The following KIF5C variants were observed in gnomAD, a reference collection of about 807,000 sequenced individuals.
The protein encoded by KIF5C is kinesin family member 5C.
A neutral mutation model predicts 125.2 loss-of-function variants in KIF5C; 18 were observed. The ratio of observed to expected loss-of-function variants is 0.14; its 90% CI spans 0.10 to 0.21. The LOEUF (loss-of-function observed/expected upper bound fraction) is 0.21. KIF5C is among the 10% of genes least tolerant of loss of function. The pLI, the probability that KIF5C is intolerant of heterozygous loss-of-function variation, is 1.00. For missense variants in KIF5C, 780 were observed against 1,183.8 expected, an observed-to-expected ratio of 0.66 and a Z score of 5.01; for synonymous variants, 405 against 434.0, an observed-to-expected ratio of 0.93 and a Z score of 0.83.
At chr2:148,973,706 C>A (rs1680981994) in intron 12 of KIF5C, among the ~76,000 whole-genome samples, 195 bp downstream of exon 12, 1 of 152,184 alleles carries the variant, frequency 6.6e-6, no homozygotes, top group Non-Finnish European at 1.5e-5. Flanking sequence ...GGGAACTTGA[C>A]TGAAAAAGCA....
chr2:148,990,937 G>T (rs1681507444), intron 15 of KIF5C, 73 bp from the exon 16 acceptor site: 3 of 1,502,780 alleles, frequency 2.0e-6, no homozygotes, highest in Admixed American at 4.4e-5. Context: ...GGATCCAGGG[G>T]CAGGTTTCCA....
intron 11 of KIF5C, among the ~76,000 whole-genome samples, chr2:148,963,928 C>T (rs1682988207): frequency 6.6e-6 from 1 of 152,154 alleles, no homozygotes; most frequent in South Asian, 2.1e-4. Context: ...ATCTTTTGGG[C>T]ACTCAGTCCT....
intron 1 of KIF5C, among the ~76,000 whole-genome samples, chr2:148,900,273 T>C (rs1308180495): frequency 2.0e-5 from 3 of 152,162 alleles, no homozygotes; most frequent in African/African-American, 4.8e-5. Flanking sequence ...ACACATATCA[T>C]TGTGGACACT....
chr2:149,000,032 G>A (rs1402284299), intron 19 of KIF5C: 1 of 167,814 alleles, frequency 6.0e-6, no homozygotes, highest in African/African-American at 2.4e-5. Context: ...CAGAAATGAG[G>A]GAAGGTGGAA....
At chr2:148,954,923 G>C (rs900093432) in intron 10 of KIF5C, among the ~76,000 whole-genome samples, 9 of 152,134 alleles carry the variant, frequency 5.9e-5, no homozygotes, top group African/African-American at 2.2e-4. Context: ...ATTCCTGTTG[G>C]GGGGCCTGTT....
At chr2:148,934,537 C>T (rs1682250013) in intron 3 of KIF5C, among the ~76,000 whole-genome samples, 4 of 147,946 alleles carry the variant, frequency 2.7e-5, no homozygotes, top group Admixed American at 2.0e-4. Context: ...ATATATCACA[C>T]ACACAACACA....
intron 23 of KIF5C, 22 bp downstream of exon 23, chr2:149,008,089 C>A (rs1167547749): frequency 2.5e-6 from 4 of 1,590,126 alleles, no homozygotes; most frequent in Non-Finnish European, 3.4e-6. Context: ...CTGCCCGCTC[C>A]CCTCTGATTC....
chr2:148,993,338 T>C (rs1681577177), intron 16 of KIF5C, among the ~76,000 whole-genome samples: 1 of 152,198 alleles, frequency 6.6e-6, no homozygotes, highest in Non-Finnish European at 1.5e-5. Context: ...AAAGAGTACC[T>C]GTTCTAAAGT....
At chr2:148,887,327 G>A (rs1232202196) in intron 1 of KIF5C, among the ~76,000 whole-genome samples, 2 of 151,658 alleles carry the variant, frequency 1.3e-5, no homozygotes, top group Non-Finnish European at 2.9e-5. Flanking sequence ...TATTTTTCTT[G>A]GACAGCACGG....
chr2:148,978,264 T>A (rs1466811468), intron 12 of KIF5C, among the ~76,000 whole-genome samples: 1 of 151,376 alleles, frequency 6.6e-6, no homozygotes, highest in Non-Finnish European at 1.5e-5. Flanking sequence ...GAAGAGCGAA[T>A]TTGCCTTTCC....
In KIF5C at chr2:148,941,924, C is replaced by T; in HGVS notation, c.446-11C>T. On this transcript the variant is annotated splice_polypyrimidine_tract_variant and intron_variant, in intron 5 of 25. Coordinates refer to ENST00000435030, the MANE Select transcript of KIF5C (RefSeq NM_004522.3). ...TTTCTTCTTTGCCTGCTGTCATTCT[C>T]ATCTTTTTAGTATCCAAGACCAACT... 5 of 1,609,860 alleles carry T rather than the reference C, an allele frequency of 3.1e-6. No individual in the cohort carries two copies. The highest frequency in any genetic ancestry group is 1.7e-5 in the Admixed American group (1 of 59,086).
intron 21 of KIF5C, among the ~76,000 whole-genome samples, chr2:149,002,379 A>C (rs951683902): frequency 6.6e-6 from 1 of 152,110 alleles, no homozygotes; most frequent in African/African-American, 2.4e-5. Context: ...ACCGGGGCTC[A>C]CAAGTCCCTT....
chr2:148,998,831 C>CAAAACAAAAAA (rs1681757119), intron 19 of KIF5C: 1 of 62,370 alleles, frequency 1.6e-5, no homozygotes, highest in Non-Finnish European at 3.3e-5. Context: ...ATGAAAGCAC[C>CAAAACAAAAAA]AAAAAAAAAA....
intron 11 of KIF5C, among the ~76,000 whole-genome samples, chr2:148,965,947 T>C (rs1574795132): frequency 6.6e-6 from 1 of 152,314 alleles, no homozygotes; most frequent in East Asian, 1.9e-4. Context: ...TCAGTCCTAA[T>C]TCTTCAGAGC....
intron 3 of KIF5C, chr2:148,935,104 A>G (rs1422553364): frequency 5.1e-6 from 2 of 394,166 alleles, no homozygotes; most frequent in Non-Finnish European, 1.0e-5. Flanking sequence ...TATTATGAGA[A>G]CACTCACTTT....
At chr2:148,887,521 C>T (rs572437168) in intron 1 of KIF5C, among the ~76,000 whole-genome samples, 6 of 152,222 alleles carry the variant, frequency 3.9e-5, no homozygotes, top group African/African-American at 1.2e-4. Flanking sequence ...TTAAAAAAAT[C>T]GCTTCGTATC....
At chr2:148,908,626 C>T (rs1359078007) in intron 1 of KIF5C, among the ~76,000 whole-genome samples, 1 of 152,158 alleles carries the variant, frequency 6.6e-6, no homozygotes, top group Non-Finnish European at 1.5e-5. Flanking sequence ...ACCATGGGGT[C>T]ATCCGAGGAT....
chr2:148,955,696 C>T (rs1303602551), intron 10 of KIF5C, among the ~76,000 whole-genome samples: 2 of 151,864 alleles, frequency 1.3e-5, no homozygotes, highest in Non-Finnish European at 1.5e-5. Context: ...CCTATTGGTT[C>T]TGTTTCTCTG....
intron 1 of KIF5C, among the ~76,000 whole-genome samples, chr2:148,880,017 G>A (rs1039258942): frequency 6.6e-6 from 1 of 152,186 alleles, no homozygotes; most frequent in African/African-American, 2.4e-5. Context: ...GAGATTAAGT[G>A]AAGAAATACA....
Sources: allele counts gnomAD v4.1 joint callset (sites outside exome capture counted in the v4.1 genomes callset), GRCh38; gene constraint gnomAD v4.1.1; transcripts MANE v1.5; gene names NCBI Gene and HGNC (gene_info 2026-07-23, HGNC 2026-07-21).